SIAH3: variants seen among roughly 807,000 people sequenced by gnomAD.
SIAH3 encodes the protein siah E3 ubiquitin protein ligase family member 3.
Under a neutral mutation model 12.6 loss-of-function variants are expected in SIAH3, and 9 were observed. The observed-to-expected ratio is 0.72, with a 90% confidence interval of 0.43 to 1.25. The LOEUF (loss-of-function observed/expected upper bound fraction) is 1.25, where lower values mean the gene tolerates loss of function less well. Among genes scored for constraint, SIAH3 ranks in the 50% most tolerant of loss-of-function variants. The pLI, the probability that SIAH3 is intolerant of heterozygous loss-of-function variation, is 0.00. For missense variants in SIAH3, 390 were observed against 365.4 expected (o/e 1.07, Z -0.55); for synonymous variants, 154 against 151.1 (o/e 1.02, Z -0.14).
At chr13:45,791,577 C>T (rs1271814646) in intron 1 of SIAH3, among the ~76,000 whole-genome samples, 1 of 152,110 alleles carries the variant, frequency 6.6e-6, no homozygotes, top group Non-Finnish European at 1.5e-5. Context: ...TCACCCAGAA[C>T]CCAACAGTGA....
intron 1 of SIAH3, among the ~76,000 whole-genome samples, 159 bp from the exon 2 acceptor site, chr13:45,784,216 A>G (rs1457460793): frequency 7.3e-6 from 1 of 136,638 alleles, no homozygotes; most frequent in East Asian, 2.4e-4. Context: ...AACAAACAAA[A>G]CCACAAAGGA....
At chr13:45,843,056 G>GTA in intron 1 of SIAH3, among the ~76,000 whole-genome samples, 1 of 151,878 alleles carries the variant, frequency 6.6e-6, no homozygotes, top group Middle Eastern at 3.4e-3. Flanking sequence ...GTGTGTGTGT[G>GTA]TGTGTAGAAA....
At chr13:45,789,476 G>A (rs970326185) in intron 1 of SIAH3, among the ~76,000 whole-genome samples, 7 of 152,078 alleles carry the variant, frequency 4.6e-5, no homozygotes, top group East Asian at 3.9e-4. Context: ...ACGTGATCTC[G>A]GCTCACTGCA....
chr13:45,825,960 C>T (rs1394819264), intron 1 of SIAH3, among the ~76,000 whole-genome samples: 2 of 152,184 alleles, frequency 1.3e-5, no homozygotes, highest in African/African-American at 4.8e-5. Flanking sequence ...CTTCCTCCCC[C>T]TGGCCCTCAA....
chr13:45,821,427 C>T (rs759956203), intron 1 of SIAH3, among the ~76,000 whole-genome samples: 18 of 152,206 alleles, frequency 1.2e-4, no homozygotes, highest in Non-Finnish European at 5.9e-5. Flanking sequence ...GATTCAAATA[C>T]AGGTACTAGT....
At chr13:45,833,194 T>C (rs1352464124) in intron 1 of SIAH3, among the ~76,000 whole-genome samples, 1 of 152,214 alleles carries the variant, frequency 6.6e-6, no homozygotes, top group Non-Finnish European at 1.5e-5. Context: ...TCAATAAATA[T>C]ATGCTCATAG....
At chr13:45,796,038 A>C (rs1950561403) in intron 1 of SIAH3, among the ~76,000 whole-genome samples, 1 of 152,218 alleles carries the variant, frequency 6.6e-6, no homozygotes, top group South Asian at 2.1e-4. Context: ...ATAGTGACAG[A>C]GGCTTGAACA....
chr13:45,816,945 T>G (rs1950636771), intron 1 of SIAH3, among the ~76,000 whole-genome samples: 1 of 152,226 alleles, frequency 6.6e-6, no homozygotes, highest in South Asian at 2.1e-4. Context: ...GGTTAGGAAT[T>G]TGCACCAGGC....
intron 1 of SIAH3, among the ~76,000 whole-genome samples, chr13:45,790,263 G>A (rs565009191): frequency 2.5e-4 from 38 of 152,296 alleles, no homozygotes; most frequent in African/African-American, 8.7e-4. Context: ...CTAGAAAAGA[G>A]GCTAATAGGC....
rs1038409773 is a variant in SIAH3, at chr13:45,815,550, T to C, written c.136-31493A>G. The stretch of plus-strand genomic sequence containing the variant: ...ATATACATGTGTGTGTGCATATGTA[T>C]GTATGTGTGTATGTAGACATCCTAT... On this transcript the variant is annotated intron_variant, in intron 1 of 1. Transcript: ENST00000400405. Among the ~76,000 whole-genome samples the C allele has an allele frequency of 3.3e-5, 5 of 152,238 alleles. No homozygotes were observed. The South Asian group carries it at 1.0e-3, about 31-fold the overall frequency.
At chr13:45,800,686 T>C (rs1206088824) in intron 1 of SIAH3, among the ~76,000 whole-genome samples, 2 of 152,230 alleles carry the variant, frequency 1.3e-5, no homozygotes, top group Non-Finnish European at 2.9e-5. Context: ...GGCATAAAAC[T>C]AATTTATAGC....
chr13:45,791,832 C>A (rs528683685), intron 1 of SIAH3, among the ~76,000 whole-genome samples: 40 of 152,292 alleles, frequency 2.6e-4, no homozygotes, highest in African/African-American at 9.6e-4. Context: ...ATCAGTCTGG[C>A]CACCTCCCAG....
intron 1 of SIAH3, among the ~76,000 whole-genome samples, chr13:45,837,135 TC>T (rs1268005872): frequency 6.6e-6 from 1 of 152,068 alleles, no homozygotes; most frequent in East Asian, 1.9e-4. Flanking sequence ...TCTTCCCAGC[TC>T]TCCCTTTTCT....
chr13:45,851,674 G>T lies in SIAH3; in HGVS notation c.-45C>A. 6.2e-7 allele frequency: 1 copy of T among 1,613,216 alleles called. No homozygotes were observed. Among genetic ancestry groups the T allele is most frequent in the Non-Finnish European group, 8.5e-7 (1 of 1,179,514 alleles). ...TTGGTCCGGGAAGGCAGCGGAGGAA[G>T]CTGTGAGTCCTTGGGCCCTGGAAGG... On this transcript the variant is annotated 5_prime_UTR_variant, in exon 1 of 2. Coordinates refer to ENST00000400405, the MANE Select transcript of SIAH3 (RefSeq NM_198849.3).
At position 45,842,628 on chromosome 13, in the gene SIAH3, G is replaced by A. The variant is rs554976778; in HGVS notation, c.135+8867C>T. 4.6e-5 allele frequency among the ~76,000 whole-genome samples: 7 copies of A among 152,292 alleles called. No homozygotes were observed. In the East Asian group the frequency reaches 1.2e-3, roughly 25 times the overall value. On this transcript the variant is annotated intron_variant, in intron 1 of 1. Transcript: ENST00000400405. ...CTCCCAAACTGCTGGGATTATAGGC[G>A]TGAACCACCGTGCCTGGCCTGTACA...
Position 45,780,554 on chromosome 13 carries a change from C to T in SIAH3, c.*2829G>A, listed in dbSNP as rs1447715557. ...AAGTCCTGGGATTATGGACGTGAGC[C>T]ACCATCCCTGGCCTAGTTCTTAAAG... On this transcript the variant is annotated 3_prime_UTR_variant, in exon 2 of 2. Coordinates refer to ENST00000400405, the MANE Select transcript of SIAH3 (RefSeq NM_198849.3). 6.6e-6 allele frequency: 1 copy of T among 152,202 alleles called. No homozygotes were observed. The highest frequency in any genetic ancestry group is 2.4e-5 in the African/African-American group (1 of 41,438). The allele number at this position is 152,202 out of a possible 1,614,324, so 9.4% of individuals were successfully genotyped here.
At chr13:45,802,167 G>T (rs1458616805) in intron 1 of SIAH3, among the ~76,000 whole-genome samples, 1 of 152,216 alleles carries the variant, frequency 6.6e-6, no homozygotes, top group Middle Eastern at 3.4e-3. Flanking sequence ...TTAGCTGGGC[G>T]TGGTGGCATG....
At position 45,851,683 on chromosome 13, in the gene SIAH3, C is replaced by T. The variant is rs1950782919; in HGVS notation, c.-54G>A. The T allele has an allele frequency of 6.2e-7, 1 of 1,611,566 alleles. No individual in the cohort carries two copies. Among genetic ancestry groups the T allele is most frequent in the Non-Finnish European group, 8.5e-7 (1 of 1,178,670 alleles). On this transcript the variant is annotated 5_prime_UTR_variant, in exon 1 of 2. Coordinates refer to ENST00000400405, the MANE Select transcript of SIAH3 (RefSeq NM_198849.3). ...GAAGGCAGCGGAGGAAGCTGTGAGT[C>T]CTTGGGCCCTGGAAGGAGCGCAGCC...
intron 1 of SIAH3, among the ~76,000 whole-genome samples, chr13:45,811,110 A>G (rs930262604): frequency 2.0e-5 from 3 of 152,242 alleles, no homozygotes; most frequent in Non-Finnish European, 4.4e-5. Context: ...TCAGAGTGTC[A>G]TTTGTAAAAT....
Sources: gnomAD v4.1 joint callset for allele counts (sites outside exome capture counted in the v4.1 genomes callset) on GRCh38, gnomAD v4.1.1 for gene constraint, MANE v1.5 for transcripts, NCBI Gene and HGNC (gene_info 2026-07-23, HGNC 2026-07-21) for gene names.